The following TNRC18 variants were observed in gnomAD, a reference collection of about 807,000 sequenced individuals.
The protein encoded by TNRC18 is trinucleotide repeat containing 18.
In TNRC18, 69 loss-of-function variants were observed where a neutral mutation model predicts 226.7. The ratio of observed to expected loss-of-function variants is 0.30; its 90% CI spans 0.25 to 0.37. The LOEUF is 0.37. Ranked by LOEUF, TNRC18 falls within the 10% of genes least tolerant of loss-of-function variation. The probability of loss-of-function intolerance (pLI) is 1.00; values close to 1 mark genes in which losing one functional copy is unlikely to be tolerated. For synonymous variants in TNRC18, 2,449 were observed against 1,927.6 expected, an observed-to-expected ratio of 1.27 and a Z score of -7.09; for missense variants, 4,754 against 4,256.6, an observed-to-expected ratio of 1.12 and a Z score of -3.25.
At chr7:5,321,314 G>A in intron 21 of TNRC18, 124 bp from the exon 22 acceptor site, 1 of 649,152 alleles carries the variant, frequency 1.5e-6, no homozygotes, top group Non-Finnish European at 2.7e-6. Flanking sequence ...GGCCTGTGGG[G>A]CTGAGACGTG....
rs757990581 is a variant in TNRC18, at chr7:5,332,938, G to T, written c.5831C>A (p.Ala1944Asp). The T allele has an allele frequency of 1.3e-6, 2 of 1,549,434 alleles. No homozygotes were observed. The highest frequency in any genetic ancestry group is 1.7e-6 in the Non-Finnish European group (2 of 1,154,872). ...KGLGEPGPSL[A>D]APTPGARGPD... ...ACCGCGGGCGCCAGGCGTGGGTGCG[G>T]CCAGGGAGGGTCCCGGCTCCCCCAG... Residue 1944 changes from alanine (A) to aspartate (D), a missense_variant, in exon 19 of 30, where the codon GCC (alanine) becomes GAC (aspartate). Ala to Asp is a moderately radical substitution (Grantham distance 126, BLOSUM62 -2). Coordinates refer to ENST00000430969, the MANE Select transcript of TNRC18 (RefSeq NM_001080495.3).
chr7:5,331,132 G>A lies in TNRC18; in HGVS notation c.6147+1490C>T, dbSNP rs145506438. Reference sequence around the variant, plus strand: ...TTCCTCACTACTACCCCTTTGTCAGGAAATCAATGTGACTCTCATCTTTTT... The same window carrying A: ...TTCCTCACTACTACCCCTTTGTCAGAAAATCAATGTGACTCTCATCTTTTT... On this transcript the variant is annotated intron_variant, in intron 19 of 29. Coordinates refer to ENST00000430969, the MANE Select transcript of TNRC18 (RefSeq NM_001080495.3). Among the ~76,000 whole-genome samples the A allele has an allele frequency of 4.0e-3, 616 of 152,278 alleles. 3 individuals carry two copies. Among genetic ancestry groups the A allele is most frequent in the Non-Finnish European group, 6.1e-3 (414 of 68,024 alleles).
chr7:5,363,470 G>A (rs1323107161), intron 11 of TNRC18, among the ~76,000 whole-genome samples: 1 of 152,162 alleles, frequency 6.6e-6, no homozygotes, highest in Admixed American at 6.5e-5. Flanking sequence ...CGGGTGTGGT[G>A]GCGGGCGCCT....
intron 2 of TNRC18, among the ~76,000 whole-genome samples, chr7:5,406,756 C>A (rs1425369822): frequency 3.3e-5 from 5 of 149,590 alleles, no homozygotes; most frequent in African/African-American, 1.2e-4. Flanking sequence ...GAGACTGAGG[C>A]AGGAGAGTCA....
chr7:5,351,793 G>C (rs181028524), intron 17 of TNRC18, 26 bp downstream of exon 17: 17 of 1,548,996 alleles, frequency 1.1e-5, no homozygotes, highest in Non-Finnish European at 1.2e-5. Flanking sequence ...AAACACGGAA[G>C]GTATTTTGTG....
At position 5,371,075 on chromosome 7, in the gene TNRC18, C is replaced by A; in HGVS notation, c.3519G>T (p.Pro1173=). 1 of 1,611,612 alleles carries A rather than the reference C, an allele frequency of 6.2e-7. No individual in the cohort carries two copies. The highest frequency in any genetic ancestry group is 8.5e-7 in the Non-Finnish European group (1 of 1,179,678). Residue 1173 remains proline, a synonymous_variant, in exon 11 of 30, where the codon CCG becomes CCT. Coordinates refer to ENST00000430969, the MANE Select transcript of TNRC18 (RefSeq NM_001080495.3). ...GCAGTGGCAGCGGCGACTCCAGAGG[C>A]GGCAGCTCTGTGGGGCCCTCGTCCA... ...EDMDEGPTEL[P]PLESPLPLPA...
intron 5 of TNRC18, among the ~76,000 whole-genome samples, chr7:5,386,630 G>T (rs1584017160): frequency 6.6e-6 from 1 of 151,862 alleles, no homozygotes. Flanking sequence ...CATACCTGCG[G>T]TCCCAGCTAC....
At chr7:5,408,925 G>C (rs1227426560) in intron 2 of TNRC18, among the ~76,000 whole-genome samples, 4 of 152,170 alleles carry the variant, frequency 2.6e-5, no homozygotes, top group African/African-American at 9.7e-5. Context: ...TCAGGACTAG[G>C]GTGTGGACCA....
intron 18 of TNRC18, among the ~76,000 whole-genome samples, chr7:5,338,351 G>A (rs1164768367): frequency 1.3e-5 from 2 of 151,976 alleles, no homozygotes; most frequent in African/African-American, 2.4e-5. Flanking sequence ...GGTATACCAC[G>A]CCAATTGTAA....
At chr7:5,375,695 G>C (rs1487560362) in intron 9 of TNRC18, among the ~76,000 whole-genome samples, 2 of 152,106 alleles carry the variant, frequency 1.3e-5, no homozygotes, top group Non-Finnish European at 2.9e-5. Flanking sequence ...GCTGGGCTCA[G>C]GCAACAGCGG....
intron 11 of TNRC18, among the ~76,000 whole-genome samples, chr7:5,367,477 G>A (rs1480939786): frequency 1.3e-5 from 2 of 151,538 alleles, no homozygotes; most frequent in Non-Finnish European, 2.9e-5. Flanking sequence ...GCCCAGGCTG[G>A]AGGGCAGTGG....
chr7:5,307,494 C>G lies in TNRC18; in HGVS notation c.*612G>C. On this transcript the variant is annotated 3_prime_UTR_variant, in exon 30 of 30. Transcript: ENST00000430969. Reference sequence around the variant, plus strand: ...AGGGTGGGCCTGTGCCGGGCCCTCTCCACCTGGTGCCTTTGACAGACACTC... The same window carrying G: ...AGGGTGGGCCTGTGCCGGGCCCTCTGCACCTGGTGCCTTTGACAGACACTC... 1 of 446,138 alleles carries G rather than the reference C, an allele frequency of 2.2e-6. No homozygotes were observed. The highest frequency in any genetic ancestry group is 5.0e-4 in the Middle Eastern group (1 of 2,006). The allele number at this position is 446,138 out of a possible 1,614,324, so 27.6% of individuals were successfully genotyped here.
chr7:5,403,506 C>G (rs1276001912), intron 2 of TNRC18, among the ~76,000 whole-genome samples: 1 of 152,062 alleles, frequency 6.6e-6, no homozygotes, highest in Non-Finnish European at 1.5e-5. Context: ...CAACTGCATC[C>G]CAGACTGCGG....
rs530594573 is a variant in TNRC18, at chr7:5,313,183, T to C, written c.7708A>G (p.Ser2570Gly). The change falls in exon 27 of 30, where the codon AGC (serine) becomes GGC (glycine). Residue 2570 changes from serine (S) to glycine (G), a missense_variant. Coordinates refer to ENST00000430969, the MANE Select transcript of TNRC18 (RefSeq NM_001080495.3). ...SSSSSSGSSS[S>G]SSSSSSSGSE... The stretch of plus-strand genomic sequence containing the variant: ...CCGCTGCTGCTGCTGCTGCTGCTGC[T>C]GCTACTGCTGCCACTACTGCTGCTG... 167 of 1,544,744 alleles carry C rather than the reference T, an allele frequency of 1.1e-4. 1 individual carries two copies. The highest frequency in any genetic ancestry group is 5.9e-4 in the Middle Eastern group (3 of 5,050).
At chr7:5,371,510 G>C in intron 10 of TNRC18, 146 bp from the exon 11 acceptor site, 1 of 1,098,732 alleles carries the variant, frequency 9.1e-7, no homozygotes, top group Non-Finnish European at 1.2e-6. Flanking sequence ...GTTCTAGGTG[G>C]GATCTCAGAA....
At chr7:5,410,325 A>G (rs1197161448) in intron 2 of TNRC18, among the ~76,000 whole-genome samples, 1 of 151,424 alleles carries the variant, frequency 6.6e-6, no homozygotes, top group Non-Finnish European at 1.5e-5. Context: ...AAAAAAAAAA[A>G]AAAAAGAAAA....
At position 5,312,372 on chromosome 7, in the gene TNRC18, G is replaced by A; in HGVS notation, c.8388+131C>T. 1 of 1,339,648 alleles carries A rather than the reference G, an allele frequency of 7.5e-7. No homozygotes were observed. The highest frequency in any genetic ancestry group is 9.9e-7 in the Non-Finnish European group (1 of 1,010,772). 83.0% of individuals were successfully genotyped at this position (1,339,648 alleles called of 1,614,324 possible). On this transcript the variant is annotated intron_variant, in intron 27 of 29. Transcript: ENST00000430969. The surrounding 1 kb of genome is among the most constrained non-coding windows in gnomAD (Gnocchi z 6.3). ...GACTCAGTGTACCCATCCATAAAGT[G>A]GGACGCCAGCCCTCCACCCTGGGGT...
At chr7:5,337,588 AG>A (rs1179518512) in intron 18 of TNRC18, among the ~76,000 whole-genome samples, 1 of 152,240 alleles carries the variant, frequency 6.6e-6, no homozygotes, top group East Asian at 1.9e-4. Flanking sequence ...TGGAATCCTC[AG>A]ACAAGAATGA....
chr7:5,313,977 T>A, intron 26 of TNRC18, 114 bp from the exon 27 acceptor site: 1 of 1,196,834 alleles, frequency 8.4e-7, no homozygotes, highest in Non-Finnish European at 1.1e-6. Flanking sequence ...TTGTTTTTTT[T>A]TTGAGATGGG....
Sources: gnomAD v4.1 joint callset for allele counts (sites outside exome capture counted in the v4.1 genomes callset) on GRCh38, gnomAD v4.1.1 for gene constraint, Gnocchi (gnomAD v3.1) non-coding constraint, MANE v1.5 for transcripts, NCBI Gene and HGNC (gene_info 2026-07-23, HGNC 2026-07-21) for gene names.